Variants in SLC36A1 observed in about 807,000 individuals in gnomAD.
The protein encoded by SLC36A1 is proton-coupled amino acid transporter 1.
SLC36A1 carries 30 observed loss-of-function variants against 47.5 expected under a neutral mutation model. The ratio of observed to expected loss-of-function variants is 0.63; its 90% CI spans 0.47 to 0.86. The LOEUF (loss-of-function observed/expected upper bound fraction) is 0.86, where lower values mean the gene tolerates loss of function less well. SLC36A1 is among the 40% of genes least tolerant of loss of function. SLC36A1 has a pLI of 0.00. For synonymous variants in SLC36A1, 255 were observed against 249.7 expected (o/e 1.02, Z -0.20); for missense variants, 517 against 606.0 (o/e 0.85, Z 1.54).
the SLC36A1 span, among the ~76,000 whole-genome samples, chr5:151,541,197 CTG>C: frequency 1.3e-5 from 2 of 152,202 alleles, no homozygotes; most frequent in Non-Finnish European, 2.9e-5. Flanking sequence ...AGTGGAGGTT[CTG>C]TAGGAGCACT....
the SLC36A1 span, among the ~76,000 whole-genome samples, chr5:151,374,051 C>G: frequency 1.3e-5 from 2 of 152,160 alleles, no homozygotes; most frequent in African/African-American, 4.8e-5. Flanking sequence ...CCTTCTCAGG[C>G]CTAGTCCAAG....
chr5:151,467,574 C>T (rs1373131829), intron 6 of SLC36A1, 133 bp from the exon 7 acceptor site: 1 of 737,544 alleles, frequency 1.4e-6, no homozygotes, highest in Non-Finnish European at 2.3e-6. Flanking sequence ...CTAAAGATGG[C>T]TCACTGGCCA....
the SLC36A1 span, chr5:151,550,480 G>T: frequency 8.0e-7 from 1 of 1,244,068 alleles, no homozygotes; most frequent in South Asian, 1.4e-5. Context: ...ACTCTGTCTC[G>T]TGCATGGTCC....
At chr5:151,518,128 C>T in the SLC36A1 span, among the ~76,000 whole-genome samples, 3 of 152,028 alleles carry the variant, frequency 2.0e-5, no homozygotes, top group Non-Finnish European at 4.4e-5. Context: ...CCCAGAAGTT[C>T]GAGACCAGCC....
the SLC36A1 span, among the ~76,000 whole-genome samples, chr5:151,397,933 G>A: frequency 3.3e-5 from 5 of 151,598 alleles, no homozygotes; most frequent in Non-Finnish European, 7.4e-5. Flanking sequence ...CCTGGGCAAT[G>A]TAGTGAAACC....
the SLC36A1 span, chr5:151,545,522 G>A: frequency 1.2e-6 from 2 of 1,614,146 alleles, no homozygotes; most frequent in South Asian, 1.1e-5. Flanking sequence ...AATCTGGGAG[G>A]GGAATCATTC....
the SLC36A1 span, among the ~76,000 whole-genome samples, chr5:151,400,939 A>G: frequency 1.3e-5 from 2 of 152,076 alleles, no homozygotes; most frequent in African/African-American, 4.8e-5. Context: ...TGTTGGATGC[A>G]TCGTTTGTGA....
chr5:151,391,067 G>A, the SLC36A1 span, among the ~76,000 whole-genome samples: 3 of 152,008 alleles, frequency 2.0e-5, no homozygotes, highest in South Asian at 2.1e-4. Flanking sequence ...ATTTGTTTGA[G>A]TCCTCTTTTA....
the SLC36A1 span, among the ~76,000 whole-genome samples, chr5:151,499,603 T>A: frequency 2.5e-3 from 376 of 152,282 alleles, 2 homozygotes; most frequent in African/African-American, 8.5e-3. Flanking sequence ...ATGCTCACTT[T>A]TTGAGGGTTC....
chr5:151,475,579 C>G (rs1363505929), intron 8 of SLC36A1, among the ~76,000 whole-genome samples: 1 of 152,084 alleles, frequency 6.6e-6, no homozygotes, highest in African/African-American at 2.4e-5. Flanking sequence ...CCCTCTGGCT[C>G]TTTGTATTCT....
At chr5:151,365,121 G>T in the SLC36A1 span, among the ~76,000 whole-genome samples, 1 of 152,260 alleles carries the variant, frequency 6.6e-6, no homozygotes, top group East Asian at 1.9e-4. Context: ...TGGAGAAAGG[G>T]TGGTTGCCCA....
At chr5:151,382,253 G>C in the SLC36A1 span, 1 of 1,336,098 alleles carries the variant, frequency 7.5e-7, no homozygotes, top group African/African-American at 1.4e-5. Flanking sequence ...CTCACTACCA[G>C]CCTGGGAGCT....
chr5:151,546,634 AAC>A, the SLC36A1 span, among the ~76,000 whole-genome samples: 8 of 152,334 alleles, frequency 5.3e-5, no homozygotes, highest in African/African-American at 1.9e-4. Context: ...TCCATAGGAA[AAC>A]ACACTCCACC....
At chr5:151,440,595 G>A (rs1328006226) in intron 1 of SLC36A1, among the ~76,000 whole-genome samples, 1 of 151,502 alleles carries the variant, frequency 6.6e-6, no homozygotes, top group Non-Finnish European at 1.5e-5. Context: ...AAAAAAGGAA[G>A]TTACATTCCT....
chr5:151,492,645 TC>T (rs1405764002), downstream of SLC36A1, among the ~76,000 whole-genome samples: 1 of 152,228 alleles, frequency 6.6e-6, no homozygotes, highest in Non-Finnish European at 1.5e-5. Flanking sequence ...TTCAGCCCTC[TC>T]CTTGCATAGC....
At chr5:151,436,340 A>G (rs1331068419), upstream of SLC36A1, among the ~76,000 whole-genome samples, 4 of 152,170 alleles carry the variant, frequency 2.6e-5, no homozygotes, top group African/African-American at 7.2e-5. Context: ...ATAATACAGC[A>G]TGTATTCTAC....
At chr5:151,440,764 T>G (rs931608109) in intron 1 of SLC36A1, among the ~76,000 whole-genome samples, 1 of 152,134 alleles carries the variant, frequency 6.6e-6, no homozygotes, top group Admixed American at 6.6e-5. Flanking sequence ...CTCACTTTCC[T>G]GATGATGAAA....
At chr5:151,540,411 GTTCTCCTGCCCCTCAATCTCCC>G in the SLC36A1 span, among the ~76,000 whole-genome samples, 3 of 150,308 alleles carry the variant, frequency 2.0e-5, no homozygotes, top group African/African-American at 7.4e-5. Context: ...CTCACTCTCT[GTTCTCCTGCCCCTCAATCTCCC>G]TTCTCCTGCC....
At chr5:151,391,899 A>G in the SLC36A1 span, among the ~76,000 whole-genome samples, 7 of 152,256 alleles carry the variant, frequency 4.6e-5, no homozygotes, top group East Asian at 1.9e-4. Flanking sequence ...TTTGGTATCA[A>G]GATGATGCTG....
Sources: allele counts gnomAD v4.1 joint callset (sites outside exome capture counted in the v4.1 genomes callset), GRCh38; gene constraint gnomAD v4.1.1; transcripts MANE v1.5; gene names NCBI Gene and HGNC (gene_info 2026-07-23, HGNC 2026-07-21).